Variants in EMX2 observed in about 807,000 individuals in gnomAD.
EMX2 encodes the protein homeobox protein EMX2.
EMX2 carries 6 observed loss-of-function variants against 23.0 expected under a neutral mutation model. That is an observed-to-expected ratio of 0.26 (90% CI 0.14 to 0.52). The LOEUF is 0.52. EMX2 is among the 20% of genes least tolerant of loss of function. The pLI, the probability that EMX2 is intolerant of heterozygous loss-of-function variation, is 0.97. For missense variants in EMX2, 302 were observed against 341.4 expected (o/e 0.88, Z 0.91); for synonymous variants, 175 against 153.3 (o/e 1.14, Z -1.04).
At chr10:117,545,421 C>A (rs1220578308) in intron 1 of EMX2, among the ~76,000 whole-genome samples, 4 of 152,272 alleles carry the variant, frequency 2.6e-5, no homozygotes, top group East Asian at 3.9e-4. Context: ...TGGTTGGGTG[C>A]CGCACCGGTG....
intron 2 of EMX2, among the ~76,000 whole-genome samples, chr10:117,546,616 C>A (rs993543303): frequency 3.9e-5 from 6 of 152,260 alleles, no homozygotes; most frequent in Non-Finnish European, 5.9e-5. Context: ...CCGAGGAGGG[C>A]CTGGCGGGTT....
In EMX2 at chr10:117,548,261, A is replaced by G; in HGVS notation, c.*29A>G. The G allele has an allele frequency of 6.2e-7, 1 of 1,612,024 alleles. No individual in the cohort carries two copies. The highest frequency in any genetic ancestry group is 1.1e-5 in the South Asian group (1 of 90,726). ...CATAAACCTAACCCCACAGAAACGGACAACATGGAGCAAAAGAGACAGGGA... is the reference window on the plus strand; with the variant it reads ...CATAAACCTAACCCCACAGAAACGGGCAACATGGAGCAAAAGAGACAGGGA... On this transcript the variant is annotated 3_prime_UTR_variant, in exon 3 of 3. Coordinates refer to ENST00000553456, the MANE Select transcript of EMX2 (RefSeq NM_004098.4).
At chr10:117,545,372 G>A (rs1299286606) in intron 1 of EMX2, 1 of 417,810 alleles carries the variant, frequency 2.4e-6, no homozygotes, top group South Asian at 3.9e-5. Context: ...AGCCGGCCGA[G>A]GTCAGGAGCC....
chr10:117,548,172 G>C lies in EMX2; in HGVS notation c.699G>C (p.Arg233=), dbSNP rs1743570829. 3.7e-6 allele frequency: 6 copies of C among 1,614,044 alleles called. No individual in the cohort carries two copies. Among genetic ancestry groups the C allele is most frequent in the Non-Finnish European group, 5.1e-6 (6 of 1,179,988 alleles). ...QKKKGTHHIN[R]WRIATKQASP... is the part of the protein sequence containing the mutation. ...AAAAAGGGACGCACCATATTAACCG[G>C]TGGAGAATCGCCACCAAGCAGGCGA... Residue 233 remains arginine (R), a synonymous_variant, in exon 3 of 3, where the codon CGG becomes CGC. Coordinates refer to ENST00000553456, the MANE Select transcript of EMX2 (RefSeq NM_004098.4).
chr10:117,547,982 T>A lies in EMX2; in HGVS notation c.592-83T>A, dbSNP rs950105747. 20 of 1,535,590 alleles carry A rather than the reference T, an allele frequency of 1.3e-5. No homozygotes were observed. The African/African-American group carries it at 2.3e-4, about 18-fold the overall frequency. On this transcript the variant is annotated intron_variant, in intron 2 of 2. Transcript: ENST00000553456. ...GTCTTTGCTGAGTCTGGAACTGGAG[T>A]CTGGGCTGGGTGAAAGGATCAGGCA...
Position 117,543,370 on chromosome 10 carries a change from G to A in EMX2, c.103G>A (p.Ala35Thr). The A allele has an allele frequency of 6.4e-7, 1 of 1,570,032 alleles. No homozygotes were observed. The change falls in exon 1 of 3, where the codon GCA becomes ACA. Residue 35 changes from alanine (A) to threonine (T), a missense_variant. By Grantham distance (58) the Ala-to-Thr change is moderately conservative. Coordinates refer to ENST00000553456, the MANE Select transcript of EMX2 (RefSeq NM_004098.4). ...SRSEDPIRPA[A>T]LSYANSSPIN... Reference sequence around the variant, plus strand: ...CTCCGAGGACCCCATCCGTCCCGCGGCACTCAGCTACGCTAACTCCAGCCC... The same window carrying A: ...CTCCGAGGACCCCATCCGTCCCGCGACACTCAGCTACGCTAACTCCAGCCC...
At chr10:117,548,020 G>A (rs1281319818) in intron 2 of EMX2, 45 bp from the exon 3 acceptor site, 3 of 1,576,190 alleles carry the variant, frequency 1.9e-6, no homozygotes, top group Non-Finnish European at 2.6e-6. Flanking sequence ...TGATAGAAGG[G>A]TGCTCTGAAA....
chr10:117,543,436 G>T lies in EMX2; in HGVS notation c.169G>T (p.Ala57Ser). 4 of 1,603,160 alleles carry T rather than the reference G, an allele frequency of 2.5e-6. No individual in the cohort carries two copies. Among genetic ancestry groups the T allele is most frequent in the Non-Finnish European group, 2.6e-6 (3 of 1,175,578 alleles). ...CAACGGCTTCCACTCGGCCGCCGCC[G>T]CCGCCGCCGGTAGGGGCGTCTACTC... The part of the protein sequence containing the change: ...FLNGFHSAAA[A>S]AAGRGVYSNP... The change falls in exon 1 of 3, where the codon GCC becomes TCC. Residue 57 changes from alanine (A) to serine (S), a missense_variant. Ala to Ser is a moderately conservative substitution (Grantham distance 99). Around this residue, in one of 4 missense-constraint regions of EMX2, gnomAD observed 221 missense variants for 206.8 expected, o/e 1.07. Coordinates refer to ENST00000553456, the MANE Select transcript of EMX2 (RefSeq NM_004098.4).
Position 117,542,805 on chromosome 10 carries a change from C to T in EMX2, c.-463C>T, listed in dbSNP as rs1846506112. 1 of 153,180 alleles carries T rather than the reference C, an allele frequency of 6.5e-6. No homozygotes were observed. The highest frequency in any genetic ancestry group is 1.4e-5 in the Non-Finnish European group (1 of 69,536). The allele number at this position is 153,180 out of a possible 1,614,324, so 9.5% of individuals were successfully genotyped here. A position where few individuals can be genotyped will look rare whatever the true frequency, so the allele number is the denominator to read the frequency against. ...TTGTCCTTGGACTTAGGGCGCCCTG[C>T]CCGCCTTTTGCAGAGGAGAAAAAAC... On this transcript the variant is annotated 5_prime_UTR_variant, in exon 1 of 3. Coordinates refer to ENST00000553456, the MANE Select transcript of EMX2 (RefSeq NM_004098.4).
In EMX2 at chr10:117,548,468, C is replaced by T. The variant is rs1238381346; in HGVS notation, c.*236C>T. ...GGATGGAGGCTCCTTCATCAACAAG[C>T]GACCCTCGTCTAAAGAGGCAGCTGA... On this transcript the variant is annotated 3_prime_UTR_variant, in exon 3 of 3. Transcript: ENST00000553456. 2.0e-4 allele frequency: 121 copies of T among 616,930 alleles called. 1 individual carries two copies. In the Admixed American group the frequency reaches 3.6e-3, roughly 18 times the overall value. 38.2% of individuals were successfully genotyped at this position (616,930 alleles called of 1,614,324 possible). A position where few individuals can be genotyped will look rare whatever the true frequency, so the allele number is the denominator to read the frequency against.
At position 117,548,060 on chromosome 10, in the gene EMX2, C is replaced by G. The variant is rs1589650279; in HGVS notation, c.592-5C>G. On this transcript the variant is annotated splice_polypyrimidine_tract_variant and splice_region_variant and intron_variant, in intron 2 of 2. Coordinates refer to ENST00000553456, the MANE Select transcript of EMX2 (RefSeq NM_004098.4). Reference sequence around the variant, plus strand: ...TAACGCACCCCATCTGCCTCTCACCCGCAGGTAAAAGTATGGTTTCAGAAC... The same window carrying G: ...TAACGCACCCCATCTGCCTCTCACCGGCAGGTAAAAGTATGGTTTCAGAAC... The G allele has an allele frequency of 6.2e-7, 1 of 1,608,084 alleles. No individual in the cohort carries two copies. The highest frequency in any genetic ancestry group is 1.1e-5 in the South Asian group (1 of 89,694).
Position 117,548,228 on chromosome 10 carries a change from A to G in EMX2, c.755A>G (p.Asp252Gly). 6.2e-7 allele frequency: 1 copy of G among 1,613,814 alleles called. No homozygotes were observed. The highest frequency in any genetic ancestry group is 8.5e-7 in the Non-Finnish European group (1 of 1,179,868). Reference protein sequence around the residue: ...SPEEIDVTSDD With the variant: ...SPEEIDVTSDG ...GAGGAAATAGACGTGACCTCAGATG[A>G]TTAAAAACATAAACCTAACCCCACA... The change falls in exon 3 of 3, where the codon GAT becomes GGT. Residue 252 changes from aspartate (D) to glycine (G), a missense_variant. This residue lies in a region of EMX2 where 42 missense variants were observed against 49.3 expected (regional missense o/e 0.85). Coordinates refer to ENST00000553456, the MANE Select transcript of EMX2 (RefSeq NM_004098.4).
intron 1 of EMX2, among the ~76,000 whole-genome samples, chr10:117,543,926 G>C (rs981790712): frequency 1.3e-5 from 2 of 152,216 alleles, no homozygotes; most frequent in Non-Finnish European, 2.9e-5. Flanking sequence ...GAACGGAGAA[G>C]TTGTCCCCCA....
chr10:117,543,301 A>G lies in EMX2; in HGVS notation c.34A>G (p.Ile12Val). The change falls in exon 1 of 3, where the codon ATC becomes GTC. Residue 12 changes from isoleucine to valine, a missense_variant. Ile to Val is a conservative substitution (Grantham distance 29). Transcript: ENST00000553456. ...GCCGGCGCCCAAGCGCTGCTTCACC[A>G]TCGAGTCGCTGGTGGCCAAGGACAG... Reference protein sequence around the residue: ...FQPAPKRCFTIESLVAKDSPL... With the variant: ...FQPAPKRCFTVESLVAKDSPL... 2 of 1,549,854 alleles carry G rather than the reference A, an allele frequency of 1.3e-6. No homozygotes were observed. The highest frequency in any genetic ancestry group is 1.7e-6 in the Non-Finnish European group (2 of 1,146,830).
At chr10:117,546,313 CTG>C (rs1846577940) in intron 2 of EMX2, among the ~76,000 whole-genome samples, 1 of 152,208 alleles carries the variant, frequency 6.6e-6, no homozygotes, top group Non-Finnish European at 1.5e-5. Flanking sequence ...GGCAAGCGTC[CTG>C]TGTGTACCCT....
chr10:117,546,160 G>A (rs754560578), intron 2 of EMX2, among the ~76,000 whole-genome samples: 1 of 152,202 alleles, frequency 6.6e-6, no homozygotes, highest in Non-Finnish European at 1.5e-5. Flanking sequence ...GGAGAGCACA[G>A]TGGGGTTTCT....
At position 117,548,251 on chromosome 10, in the gene EMX2, A is replaced by G; in HGVS notation, c.*19A>G. The G allele has an allele frequency of 6.2e-7, 1 of 1,612,450 alleles. No individual in the cohort carries two copies. ...TGATTAAAAACATAAACCTAACCCCACAGAAACGGACAACATGGAGCAAAA... is the reference window on the plus strand; with the variant it reads ...TGATTAAAAACATAAACCTAACCCCGCAGAAACGGACAACATGGAGCAAAA... On this transcript the variant is annotated 3_prime_UTR_variant, in exon 3 of 3. Transcript: ENST00000553456.
At position 117,548,732 on chromosome 10, in the gene EMX2, GC is replaced by G; in HGVS notation, c.*501del. On this transcript the variant is annotated 3_prime_UTR_variant, in exon 3 of 3. Coordinates refer to ENST00000553456, the MANE Select transcript of EMX2 (RefSeq NM_004098.4). ...CAGGCACAGGACTTTTTTGTTTTTTGCACTTCGCTGTGTTTCCCCCCCATCT... is the reference window on the plus strand; with the variant it reads ...CAGGCACAGGACTTTTTTGTTTTTTGACTTCGCTGTGTTTCCCCCCCATCT... 2.4e-6 allele frequency: 1 copy of G among 408,334 alleles called. No homozygotes were observed. The highest frequency in any genetic ancestry group is 4.3e-6 in the Non-Finnish European group (1 of 231,692). 25.3% of individuals were successfully genotyped at this position (408,334 alleles called of 1,614,324 possible). A position where few individuals can be genotyped will look rare whatever the true frequency, so the allele number is the denominator to read the frequency against.
At chr10:117,544,319 G>T (rs1269712908) in intron 1 of EMX2, 1 of 152,794 alleles carries the variant, frequency 6.5e-6, no homozygotes, top group Non-Finnish European at 1.5e-5. Flanking sequence ...CTTAATTGGG[G>T]CGCCGAGCAG....
Sources: allele counts gnomAD v4.1 joint callset (sites outside exome capture counted in the v4.1 genomes callset), GRCh38; gene constraint gnomAD v4.1.1; regional missense constraint gnomAD v4.1.1; transcripts MANE v1.5; gene names NCBI Gene and HGNC (gene_info 2026-07-23, HGNC 2026-07-21).